Variants in PARPBP observed in about 807,000 individuals in gnomAD.
The protein encoded by PARPBP is PCNA-interacting partner.
Under a neutral mutation model 50.0 loss-of-function variants are expected in PARPBP, and 52 were observed. That is an observed-to-expected ratio of 1.04 (90% confidence interval 0.83 to 1.31). PARPBP has a LOEUF of 1.31. Among genes scored for constraint, PARPBP ranks in the 50% most tolerant of loss-of-function variants. The probability of loss-of-function intolerance (pLI) is 0.00; values close to 1 mark genes in which losing one functional copy is unlikely to be tolerated. For missense variants in PARPBP, 697 were observed against 672.0 expected, an observed-to-expected ratio of 1.04 and a Z score of -0.41; for synonymous variants, 244 against 232.1, an observed-to-expected ratio of 1.05 and a Z score of -0.47.
rs117293247 is a variant in PARPBP at position 102,194,537 on chromosome 12, A to C, written c.1264-775A>C. Reference sequence around the variant, plus strand: ...CTCACTGGTTTATGTTTGTGGAACAAATTTCCAAAACTACTTTTTTTGGCA... The same window carrying C: ...CTCACTGGTTTATGTTTGTGGAACACATTTCCAAAACTACTTTTTTTGGCA... On this transcript the variant is annotated intron_variant, in intron 9 of 10. Coordinates refer to ENST00000327680, the MANE Select transcript of PARPBP (RefSeq NM_017915.5). Among the ~76,000 whole-genome samples, 283 of 152,060 alleles carry C rather than the reference A, an allele frequency of 1.9e-3. 11 individuals carry two copies. The East Asian group carries it at 0.052, about 28-fold the overall frequency.
At chr12:102,174,411 A>G (rs1299535018) in intron 6 of PARPBP, among the ~76,000 whole-genome samples, 1 of 152,138 alleles carries the variant, frequency 6.6e-6, no homozygotes, top group Non-Finnish European at 1.5e-5. Flanking sequence ...ATCTCTTTCT[A>G]GCTTGTTAGG....
intron 2 of PARPBP, among the ~76,000 whole-genome samples, chr12:102,145,214 A>G (rs1158969645): frequency 3.3e-5 from 5 of 152,228 alleles, no homozygotes; most frequent in East Asian, 3.9e-4. Flanking sequence ...TTTGTTGTGT[A>G]AAGTTTATAT....
At chr12:102,181,144 A>G (rs2136923749) in intron 8 of PARPBP, among the ~76,000 whole-genome samples, 1 of 152,276 alleles carries the variant, frequency 6.6e-6, no homozygotes, top group South Asian at 2.1e-4. Flanking sequence ...GATTTCTTAT[A>G]TTCTTTACTT....
intron 2 of PARPBP, among the ~76,000 whole-genome samples, chr12:102,126,680 G>T (rs550761998): frequency 2.0e-5 from 3 of 152,230 alleles, no homozygotes; most frequent in East Asian, 3.9e-4. Context: ...CCAGCTACTC[G>T]GGAGGCTGAG....
rs1880787832 is a variant in PARPBP at position 102,120,304 on chromosome 12, C to T, written c.-4+18C>T. On this transcript the variant is annotated intron_variant, in intron 1 of 10. Coordinates refer to ENST00000327680, the MANE Select transcript of PARPBP (RefSeq NM_017915.5). Reference sequence around the variant, plus strand: ...CTAATCACGTAAGTCTCGCGTCTGCCCTACCTGCCCTGTCGCATTTTTAAG... The same window carrying T: ...CTAATCACGTAAGTCTCGCGTCTGCTCTACCTGCCCTGTCGCATTTTTAAG... 1 of 359,222 alleles carries T rather than the reference C, an allele frequency of 2.8e-6. No individual in the cohort carries two copies. The highest frequency in any genetic ancestry group is 2.1e-5 in the African/African-American group (1 of 46,898). 22.3% of individuals were successfully genotyped at this position (359,222 alleles called of 1,614,324 possible).
Position 102,141,241 on chromosome 12 carries a change from CCTT to C in PARPBP, c.154-6985_154-6983del, listed in dbSNP as rs1258712221. On this transcript the variant is annotated intron_variant, in intron 2 of 10. Transcript: ENST00000327680. ...TGATCCCTTTACCATTATGCAATGG[CCTT>C]CTTTGTCTGTTTTGATTTTTGTTGG... 5.9e-5 allele frequency among the ~76,000 whole-genome samples: 9 copies of C among 152,090 alleles called. No homozygotes were observed. In the East Asian group the frequency reaches 1.5e-3, roughly 26 times the overall value.
chr12:102,140,128 T>G (rs1024318226), intron 2 of PARPBP, among the ~76,000 whole-genome samples: 3 of 152,210 alleles, frequency 2.0e-5, no homozygotes, highest in African/African-American at 4.8e-5. Flanking sequence ...TTTTTTTGGT[T>G]GGTAGGCTAT....
intron 4 of PARPBP, among the ~76,000 whole-genome samples, chr12:102,161,201 G>A (rs1190178820): frequency 6.6e-6 from 1 of 151,922 alleles, no homozygotes; most frequent in Non-Finnish European, 1.5e-5. Context: ...CACCTCCCAG[G>A]TTCAAGTGAT....
chr12:102,182,036 C>T (rs1047865801), intron 8 of PARPBP, among the ~76,000 whole-genome samples: 2 of 152,066 alleles, frequency 1.3e-5, no homozygotes, highest in African/African-American at 4.8e-5. Context: ...ACAGATGGTC[C>T]CCAACTTATG....
chr12:102,157,043 T>C (rs535458134), intron 4 of PARPBP, among the ~76,000 whole-genome samples: 108 of 152,358 alleles, frequency 7.1e-4, no homozygotes, highest in Non-Finnish European at 1.4e-3. Context: ...ACCTTCATTT[T>C]TGACAAACAT....
chr12:102,178,840 A>C (rs1468001599), intron 8 of PARPBP, 70 bp downstream of exon 8: 28 of 1,019,244 alleles, frequency 2.7e-5, no homozygotes, highest in Non-Finnish European at 3.5e-5. Context: ...ATGTATGCTT[A>C]TGGTAGGAAA....
chr12:102,143,196 G>A (rs1049940786), intron 2 of PARPBP, among the ~76,000 whole-genome samples: 1 of 152,244 alleles, frequency 6.6e-6, no homozygotes, highest in South Asian at 2.1e-4. Context: ...AATGGCAGAC[G>A]CCCCCCACCC....
intron 2 of PARPBP, among the ~76,000 whole-genome samples, chr12:102,129,963 G>A (rs1269895017): frequency 6.6e-6 from 1 of 152,180 alleles, no homozygotes; most frequent in Non-Finnish European, 1.5e-5. Flanking sequence ...GAAGAAAGCA[G>A]GTGGTATCAT....
At chr12:102,123,057 T>G (rs79399538) in intron 1 of PARPBP, among the ~76,000 whole-genome samples, 14,432 of 152,252 alleles carry the variant, frequency 0.095, 757 homozygotes, top group African/African-American at 0.11. Context: ...CAATTCCTCC[T>G]GTTGTAATAG....
chr12:102,133,386 G>A (rs143237465), intron 2 of PARPBP, among the ~76,000 whole-genome samples: 168 of 151,786 alleles, frequency 1.1e-3, no homozygotes, highest in African/African-American at 3.9e-3. Context: ...GTTTTTTTCT[G>A]TGTCTTTAGA....
chr12:102,183,505 G>C (rs1890028927), intron 9 of PARPBP, among the ~76,000 whole-genome samples: 1 of 151,868 alleles, frequency 6.6e-6, no homozygotes, highest in Non-Finnish European at 1.5e-5. Flanking sequence ...TTGATTATTA[G>C]TAGTTGTTAG....
rs1450494922 is a variant in PARPBP at position 102,195,980 on chromosome 12, A to G, written c.1429A>G (p.Thr477Ala). The G allele has an allele frequency of 3.7e-6, 6 of 1,605,218 alleles. No homozygotes were observed. Among genetic ancestry groups the G allele is most frequent in the East Asian group, 2.2e-5 (1 of 44,732 alleles). Residue 477 changes from threonine to alanine, a missense_variant, in exon 11 of 11, where the codon ACA (threonine) becomes GCA (alanine). Physicochemically the swap from Thr to Ala is moderately conservative, Grantham distance 58. Coordinates refer to ENST00000327680, the MANE Select transcript of PARPBP (RefSeq NM_017915.5). Reference protein sequence around the residue: ...EGVNPSVGRSTIGTSFGNVHL... With the variant: ...EGVNPSVGRSAIGTSFGNVHL... ...TGTAAATCCATCTGTTGGAAGATCA[A>G]CAATTGGAACGAGTTTTGGAAATGT...
At chr12:102,150,378 A>G (rs1886029781) in intron 3 of PARPBP, 1 of 392,614 alleles carries the variant, frequency 2.5e-6, no homozygotes, top group Admixed American at 3.1e-5. Context: ...CAAGGTACAT[A>G]TTAGAATATT....
chr12:102,156,130 C>A (rs1886880510), intron 4 of PARPBP, among the ~76,000 whole-genome samples: 1 of 150,034 alleles, frequency 6.7e-6, no homozygotes, highest in Non-Finnish European at 1.5e-5. Context: ...ACAAGGACAC[C>A]CTGATAACAC....
Sources: allele counts gnomAD v4.1 joint callset (sites outside exome capture counted in the v4.1 genomes callset), GRCh38; gene constraint gnomAD v4.1.1; transcripts MANE v1.5; gene names NCBI Gene and HGNC (gene_info 2026-07-23, HGNC 2026-07-21).